Variants in ROR2 observed in about 807,000 individuals in gnomAD.
ROR2 encodes the protein tyrosine-protein kinase transmembrane receptor ROR2.
Under a neutral mutation model 74.9 loss-of-function variants are expected in ROR2, and 33 were observed. That is an observed-to-expected ratio of 0.44 (90% CI 0.33 to 0.59). The LOEUF is 0.59. ROR2 is among the 20% of genes least tolerant of loss of function. ROR2 has a pLI of 0.02. For synonymous variants in ROR2, 586 were observed against 558.7 expected (o/e 1.05, Z -0.69); for missense variants, 1,216 against 1,313.8 (o/e 0.93, Z 1.15).
intron 3 of ROR2, among the ~76,000 whole-genome samples, chr9:91,756,682 A>T (rs1351209778): frequency 6.9e-6 from 1 of 145,218 alleles, no homozygotes; most frequent in African/African-American, 2.5e-5. Context: ...TGTGCCTGGG[A>T]TTGTCTTCTG....
At chr9:91,772,912 T>C (rs947378845) in intron 2 of ROR2, among the ~76,000 whole-genome samples, 3 of 152,246 alleles carry the variant, frequency 2.0e-5, no homozygotes, top group Non-Finnish European at 2.9e-5. Flanking sequence ...CTTAGAGCAC[T>C]GAATTTGACT....
intron 4 of ROR2, among the ~76,000 whole-genome samples, chr9:91,739,610 C>T (rs867852637): frequency 2.0e-5 from 3 of 151,486 alleles, no homozygotes; most frequent in South Asian, 4.2e-4. Context: ...AGGCTGAACA[C>T]TTGCAATAGT....
Position 91,904,842 on chromosome 9 carries a change from CATT to C in ROR2, c.97+45022_97+45024del, listed in dbSNP as rs778997745. The stretch of plus-strand genomic sequence containing the variant: ...GGGAAAAAACAAACTGCTCATCACT[CATT>C]ATTGCCTCCATTCTGGCTTACTACC... On this transcript the variant is annotated intron_variant, in intron 1 of 8. Transcript: ENST00000375708. Among the ~76,000 whole-genome samples the C allele has an allele frequency of 5.3e-5, 8 of 152,250 alleles. 1 individual carries two copies. The South Asian group carries it at 8.3e-4, about 16-fold the overall frequency.
intron 1 of ROR2, among the ~76,000 whole-genome samples, chr9:91,878,490 C>A (rs1219513242): frequency 6.6e-6 from 1 of 152,216 alleles, no homozygotes; most frequent in African/African-American, 2.4e-5. Context: ...TTATTCATTT[C>A]TTGGACTCTT....
intron 1 of ROR2, among the ~76,000 whole-genome samples, chr9:91,785,546 G>A (rs1564275081): frequency 6.6e-6 from 1 of 152,236 alleles, no homozygotes; most frequent in African/African-American, 2.4e-5. Context: ...AATATCTGAT[G>A]AGTAAACAAA....
At chr9:91,786,875 A>C (rs10820903) in intron 1 of ROR2, among the ~76,000 whole-genome samples, 14,397 of 152,154 alleles carry the variant, frequency 0.095, 1,013 homozygotes, top group East Asian at 0.3. Flanking sequence ...ATGAAATCCT[A>C]AAGAATTAGA....
intron 2 of ROR2, among the ~76,000 whole-genome samples, chr9:91,775,025 G>A (rs1826372704): frequency 6.6e-6 from 1 of 152,186 alleles, no homozygotes; most frequent in South Asian, 2.1e-4. Flanking sequence ...ACAGCAAGGC[G>A]GCAGCTGCCT....
chr9:91,772,088 T>C (rs1826250508), intron 2 of ROR2, among the ~76,000 whole-genome samples: 1 of 152,226 alleles, frequency 6.6e-6, no homozygotes. Flanking sequence ...CTTCTATTAC[T>C]AATCATATAA....
At chr9:91,909,849 T>TTTTTTTTTTA (rs1830921655) in intron 1 of ROR2, among the ~76,000 whole-genome samples, 2 of 104,620 alleles carry the variant, frequency 1.9e-5, no homozygotes, top group African/African-American at 9.2e-5. Context: ...TTTGTTTTGT[T>TTTTTTTTTTA]TTTTTTTTTT....
At chr9:91,907,996 T>C (rs1369630561) in intron 1 of ROR2, among the ~76,000 whole-genome samples, 1 of 152,230 alleles carries the variant, frequency 6.6e-6, no homozygotes, top group East Asian at 1.9e-4. Flanking sequence ...ATCCAGGACT[T>C]GTGATGACAC....
intron 1 of ROR2, among the ~76,000 whole-genome samples, chr9:91,939,841 T>A (rs958376956): frequency 6.6e-6 from 1 of 152,182 alleles, no homozygotes; most frequent in African/African-American, 2.4e-5. Flanking sequence ...CAGGCTGTGC[T>A]GAAGGAGGTG....
At chr9:91,879,204 G>T (rs1830037688) in intron 1 of ROR2, among the ~76,000 whole-genome samples, 1 of 152,168 alleles carries the variant, frequency 6.6e-6, no homozygotes, top group Admixed American at 6.5e-5. Context: ...GAAGGGAGAT[G>T]AGTAATCGGA....
chr9:91,742,927 A>G (rs1825296657), intron 4 of ROR2, among the ~76,000 whole-genome samples: 1 of 152,214 alleles, frequency 6.6e-6, no homozygotes, highest in Non-Finnish European at 1.5e-5. Context: ...GTTTAGATAT[A>G]CAAATACCAT....
chr9:91,760,477 A>T (rs977916889), intron 2 of ROR2, among the ~76,000 whole-genome samples: 1 of 151,694 alleles, frequency 6.6e-6, no homozygotes, highest in African/African-American at 2.4e-5. Flanking sequence ...ACTAAAAATA[A>T]AAAAAAATTA....
intron 2 of ROR2, among the ~76,000 whole-genome samples, chr9:91,771,329 T>C (rs769870118): frequency 1.3e-5 from 2 of 152,134 alleles, no homozygotes; most frequent in African/African-American, 4.8e-5. Flanking sequence ...CCACAAACAT[T>C]CCAAAGTACT....
chr9:91,798,694 G>A (rs1027004257), intron 1 of ROR2, among the ~76,000 whole-genome samples: 14 of 139,546 alleles, frequency 1.0e-4, no homozygotes, highest in African/African-American at 2.6e-4. Flanking sequence ...CTCTGTGGGC[G>A]GGGCTGACAC....
chr9:91,903,655 C>T (rs1830728864), intron 1 of ROR2, among the ~76,000 whole-genome samples: 2 of 152,136 alleles, frequency 1.3e-5, no homozygotes. Context: ...GAAGTGGTTT[C>T]CCCACATTCT....
intron 1 of ROR2, among the ~76,000 whole-genome samples, chr9:91,906,681 A>G (rs1330205450): frequency 6.6e-6 from 1 of 152,042 alleles, no homozygotes; most frequent in African/African-American, 2.4e-5. Context: ...GATTTCATCT[A>G]TCCTTTTTGG....
chr9:91,872,952 T>C (rs1829845450), intron 1 of ROR2, among the ~76,000 whole-genome samples: 1 of 152,206 alleles, frequency 6.6e-6, no homozygotes, highest in Non-Finnish European at 1.5e-5. Flanking sequence ...GACTCAAACA[T>C]TTTTAACTCT....
Sources: allele counts gnomAD v4.1 joint callset (sites outside exome capture counted in the v4.1 genomes callset), GRCh38; gene constraint gnomAD v4.1.1; transcripts MANE v1.5; gene names NCBI Gene and HGNC (gene_info 2026-07-23, HGNC 2026-07-21).